CNOT4: variants seen among roughly 807,000 people sequenced by gnomAD.
The protein encoded by CNOT4 is CCR4-associated factor 4.
Under a neutral mutation model 73.8 loss-of-function variants are expected in CNOT4, and 8 were observed. That is an observed-to-expected ratio of 0.11 (90% CI 0.06 to 0.20). CNOT4 has a LOEUF of 0.20. Among genes scored for constraint, CNOT4 ranks in the 10% least tolerant of loss-of-function variants. The probability of loss-of-function intolerance (pLI) is 1.00; values close to 1 mark genes in which losing one functional copy is unlikely to be tolerated. For missense variants in CNOT4, 564 were observed against 883.4 expected (o/e 0.64, Z 4.58); for synonymous variants, 293 against 321.1 (o/e 0.91, Z 0.94).
intron 3 of CNOT4, among the ~76,000 whole-genome samples, chr7:135,416,799 T>C (rs1797898934): frequency 6.6e-6 from 1 of 152,106 alleles, no homozygotes; most frequent in African/African-American, 2.4e-5. Context: ...TGGGAGAGAC[T>C]GTTAAAGTGA....
intron 1 of CNOT4, among the ~76,000 whole-genome samples, chr7:135,446,826 A>C (rs1301329610): frequency 6.6e-6 from 1 of 152,086 alleles, no homozygotes; most frequent in Non-Finnish European, 1.5e-5. Flanking sequence ...GAAATCAAAA[A>C]GTGAAAAAGA....
intron 1 of CNOT4, among the ~76,000 whole-genome samples, chr7:135,503,611 T>C (rs753382676): frequency 6.6e-6 from 1 of 152,242 alleles, no homozygotes; most frequent in Non-Finnish European, 1.5e-5. Flanking sequence ...AAAGTACTAA[T>C]AACGTCTTTA....
intron 1 of CNOT4, chr7:135,509,249 G>C (rs1307678982): frequency 6.6e-6 from 1 of 152,436 alleles, no homozygotes; most frequent in Non-Finnish European, 1.5e-5. Context: ...ATACTTAAGG[G>C]GCAGCTTTAA....
intron 3 of CNOT4, among the ~76,000 whole-genome samples, chr7:135,416,734 T>C (rs1394845753): frequency 6.6e-6 from 1 of 152,150 alleles, no homozygotes; most frequent in Non-Finnish European, 1.5e-5. Context: ...AAGGCAGTAG[T>C]TCTCAATGAG....
At position 135,400,486 on chromosome 7, in the gene CNOT4, G is replaced by A. The variant is rs1422453129; in HGVS notation, c.822-2260C>T. Among the ~76,000 whole-genome samples the A allele has an allele frequency of 3.9e-5, 6 of 152,188 alleles. No individual in the cohort carries two copies. The East Asian group carries it at 1.2e-3, about 29-fold the overall frequency. ...GGACGATTTCTAGTGTCTGGATCTT[G>A]GTTCATCTTCCCAGTCACCACCCAA... On this transcript the variant is annotated intron_variant, in intron 7 of 11. Transcript: ENST00000541284.
chr7:135,399,529 G>A (rs370531565), intron 7 of CNOT4, among the ~76,000 whole-genome samples: 3 of 152,062 alleles, frequency 2.0e-5, no homozygotes, highest in African/African-American at 7.2e-5. Context: ...CATGACTATC[G>A]TTACTCAAAT....
At position 135,363,367 on chromosome 7, in the gene CNOT4, C is replaced by A. The variant is rs1172428317; in HGVS notation, c.1841-181G>T. Among the ~76,000 whole-genome samples the A allele has an allele frequency of 6.6e-6, 1 of 152,174 alleles. No individual in the cohort carries two copies. The highest frequency in any genetic ancestry group is 1.5e-5 in the Non-Finnish European group (1 of 68,028). ...CAACAACAAAGAACTTATTGGCACA[C>A]AAACCCATGCCTCCTCTTGAACTAG... On this transcript the variant is annotated intron_variant, in intron 11 of 11. Transcript: ENST00000541284. The surrounding 1 kb of genome is among the most constrained non-coding windows in gnomAD (Gnocchi z 4.3).
chr7:135,454,267 A>G (rs1800384129), intron 1 of CNOT4, among the ~76,000 whole-genome samples: 1 of 151,994 alleles, frequency 6.6e-6, no homozygotes, highest in Non-Finnish European at 1.5e-5. Flanking sequence ...TCCACACACA[A>G]CTAGTTCATT....
chr7:135,426,399 G>A (rs1028407206), intron 2 of CNOT4, among the ~76,000 whole-genome samples: 2 of 151,588 alleles, frequency 1.3e-5, no homozygotes, highest in Non-Finnish European at 2.9e-5. Context: ...TCAGGAAATC[G>A]AGACCATCCT....
intron 1 of CNOT4, among the ~76,000 whole-genome samples, chr7:135,447,951 T>C (rs575895203): frequency 1.9e-4 from 29 of 152,220 alleles, no homozygotes; most frequent in African/African-American, 6.0e-4. Flanking sequence ...GATAAAAAGC[T>C]GGGTGTGGTC....
At chr7:135,399,343 G>A (rs1193513424) in intron 7 of CNOT4, among the ~76,000 whole-genome samples, 1 of 152,068 alleles carries the variant, frequency 6.6e-6, no homozygotes, top group Non-Finnish European at 1.5e-5. Context: ...AACCTGTACA[G>A]CATGTTACTG....
chr7:135,438,110 A>G (rs1180247861), intron 2 of CNOT4, 48 bp downstream of exon 2: 1 of 1,079,120 alleles, frequency 9.3e-7, no homozygotes, highest in South Asian at 1.4e-5. Context: ...GCAGCAAAAA[A>G]CTATACAATT....
chr7:135,390,856 A>G (rs1300731292), intron 10 of CNOT4, among the ~76,000 whole-genome samples: 1 of 152,160 alleles, frequency 6.6e-6, no homozygotes, highest in Non-Finnish European at 1.5e-5. Context: ...GAATAAATAT[A>G]TATGCCTTTC....
At chr7:135,388,392 T>A in intron 10 of CNOT4, 3 of 984,482 alleles carry the variant, frequency 3.0e-6, no homozygotes, top group Non-Finnish European at 2.4e-6. Flanking sequence ...TCTTGTTAAT[T>A]TGCAAATTTT....
intron 2 of CNOT4, among the ~76,000 whole-genome samples, chr7:135,437,098 T>C (rs1223679437): frequency 1.3e-5 from 2 of 152,246 alleles, no homozygotes; most frequent in Non-Finnish European, 2.9e-5. Context: ...TTCACTATAC[T>C]GTAATTGTGT....
intron 10 of CNOT4, chr7:135,384,809 C>G (rs1303541845): frequency 1.4e-6 from 1 of 733,214 alleles, no homozygotes; most frequent in Non-Finnish European, 2.5e-6. Flanking sequence ...TAGTTAGCAT[C>G]TTGTTTGTCT....
intron 1 of CNOT4, among the ~76,000 whole-genome samples, chr7:135,490,741 T>C (rs1048700545): frequency 6.6e-6 from 1 of 152,206 alleles, no homozygotes; most frequent in Non-Finnish European, 1.5e-5. Flanking sequence ...TCTAATCTTA[T>C]CAACTCATGA....
intron 8 of CNOT4, among the ~76,000 whole-genome samples, chr7:135,397,639 A>T (rs901224640): frequency 1.3e-5 from 2 of 151,824 alleles, no homozygotes; most frequent in African/African-American, 4.8e-5. Context: ...GAGCAATAAG[A>T]CAAGATGACA....
At position 135,362,642 on chromosome 7, in the gene CNOT4, G is replaced by A; in HGVS notation, c.*243C>T. On this transcript the variant is annotated 3_prime_UTR_variant, in exon 12 of 12. Coordinates refer to ENST00000541284, the MANE Select transcript of CNOT4 (RefSeq NM_001190850.2). Reference sequence around the variant, plus strand: ...GATTTTTTTTTCTCTCCTTAAAAAGGCATTTTTAGAAACATTCAACAGTGT... The same window carrying A: ...GATTTTTTTTTCTCTCCTTAAAAAGACATTTTTAGAAACATTCAACAGTGT... The A allele has an allele frequency of 3.3e-6, 2 of 607,910 alleles. No homozygotes were observed. The highest frequency in any genetic ancestry group is 2.9e-5 in the East Asian group (1 of 34,938). The allele number at this position is 607,910 out of a possible 1,614,324, so 37.7% of individuals were successfully genotyped here.
Sources: gnomAD v4.1 joint callset for allele counts (sites outside exome capture counted in the v4.1 genomes callset) on GRCh38, gnomAD v4.1.1 for gene constraint, Gnocchi (gnomAD v3.1) non-coding constraint, MANE v1.5 for transcripts, NCBI Gene and HGNC (gene_info 2026-07-23, HGNC 2026-07-21) for gene names.